The following GALNT13 variants were observed in gnomAD, a reference collection of about 807,000 sequenced individuals.
GALNT13 encodes the protein UDP-GalNAc:polypeptide N-acetylgalactosaminyltransferase 13.
Under a neutral mutation model 64.2 loss-of-function variants are expected in GALNT13, and 28 were observed. The ratio of observed to expected loss-of-function variants is 0.44; its 90% CI spans 0.32 to 0.60. The LOEUF (loss-of-function observed/expected upper bound fraction) is 0.60, where lower values mean the gene tolerates loss of function less well. Among genes scored for constraint, GALNT13 ranks in the 20% least tolerant of loss-of-function variants. GALNT13 has a pLI of 0.05. For missense variants in GALNT13, 577 were observed against 669.8 expected (o/e 0.86, Z 1.53); for synonymous variants, 214 against 224.6 (o/e 0.95, Z 0.42).
chr2:153,141,432 G>A, the GALNT13 span, among the ~76,000 whole-genome samples: 9 of 151,994 alleles, frequency 5.9e-5, no homozygotes, highest in East Asian at 1.9e-4. Context: ...CTTCCACCCC[G>A]TGAGTTGGGG....
chr2:153,926,214 A>G (rs900257040), intron 2 of GALNT13: 6 of 152,064 alleles, frequency 3.9e-5, no homozygotes, highest in Non-Finnish European at 5.9e-5. Context: ...GTCCAAGTAT[A>G]TGTTTTCAAT....
the GALNT13 span, among the ~76,000 whole-genome samples, chr2:153,691,557 A>G: frequency 6.6e-6 from 1 of 152,140 alleles, no homozygotes; most frequent in African/African-American, 2.4e-5. Context: ...TGTCAACCTG[A>G]AAAAGATAAC....
the GALNT13 span, among the ~76,000 whole-genome samples, chr2:153,839,214 GT>G: frequency 6.6e-6 from 1 of 151,786 alleles, no homozygotes; most frequent in East Asian, 1.9e-4. Flanking sequence ...TGAGCAGAGA[GT>G]TTTACTCCTC....
the GALNT13 span, among the ~76,000 whole-genome samples, chr2:153,144,615 C>T: frequency 1.4e-4 from 21 of 152,020 alleles, 1 homozygote; most frequent in East Asian, 4.1e-3. Flanking sequence ...CAGGAAGTGA[C>T]TGGCATAATC....
chr2:154,136,741 AT>A (rs557911044), intron 3 of GALNT13, among the ~76,000 whole-genome samples: 276 of 152,182 alleles, frequency 1.8e-3, no homozygotes, highest in Non-Finnish European at 3.1e-3. Context: ...CAAACTAATT[AT>A]TTTTTTAAAT....
At chr2:153,952,260 A>G (rs1692242659) in intron 3 of GALNT13, among the ~76,000 whole-genome samples, 1 of 152,180 alleles carries the variant, frequency 6.6e-6, no homozygotes, top group South Asian at 2.1e-4. Context: ...GTAGGTTTGC[A>G]TGGGCGTTAT....
At chr2:154,145,100 C>CTATATATA (rs1553484442) in intron 4 of GALNT13, among the ~76,000 whole-genome samples, 43 of 119,516 alleles carry the variant, frequency 3.6e-4, no homozygotes, top group East Asian at 5.4e-4. Flanking sequence ...ATCTATCTAT[C>CTATATATA]TATATATATA....
chr2:153,172,508 G>A, the GALNT13 span, among the ~76,000 whole-genome samples: 2 of 152,036 alleles, frequency 1.3e-5, no homozygotes, highest in African/African-American at 4.8e-5. Flanking sequence ...GAGAGCTGAG[G>A]TGGGTCCAGG....
chr2:153,316,322 AAAT>A, the GALNT13 span, among the ~76,000 whole-genome samples: 1 of 152,038 alleles, frequency 6.6e-6, no homozygotes, highest in South Asian at 2.1e-4. Context: ...TATCCAACAG[AAAT>A]AATAATTTTT....
At chr2:153,502,270 C>G in the GALNT13 span, among the ~76,000 whole-genome samples, 1 of 152,128 alleles carries the variant, frequency 6.6e-6, no homozygotes, top group African/African-American at 2.4e-5. Flanking sequence ...CTCCAAAGTC[C>G]ATTGTATCAT....
At chr2:153,513,611 T>A in the GALNT13 span, among the ~76,000 whole-genome samples, 12 of 152,312 alleles carry the variant, frequency 7.9e-5, no homozygotes, top group East Asian at 2.1e-3. Flanking sequence ...AACAAAACAC[T>A]TCAGTAATTC....
chr2:154,331,620 A>G (rs949307629), intron 9 of GALNT13, among the ~76,000 whole-genome samples: 9 of 152,016 alleles, frequency 5.9e-5, no homozygotes, highest in African/African-American at 2.4e-5. Context: ...ATGAAAATAA[A>G]TTTCTGGGGA....
chr2:153,366,025 A>T, the GALNT13 span, among the ~76,000 whole-genome samples: 8 of 152,178 alleles, frequency 5.3e-5, no homozygotes, highest in Non-Finnish European at 1.0e-4. Flanking sequence ...GAAAAAGAAA[A>T]TGTTATACAT....
the GALNT13 span, among the ~76,000 whole-genome samples, chr2:153,302,642 A>G: frequency 1.3e-5 from 2 of 152,116 alleles, no homozygotes; most frequent in East Asian, 1.9e-4. Context: ...GACCAATGTC[A>G]TGGAAATTTT....
intron 9 of GALNT13, among the ~76,000 whole-genome samples, chr2:154,321,016 A>T (rs940017938): frequency 1.3e-5 from 2 of 152,150 alleles, no homozygotes; most frequent in African/African-American, 2.4e-5. Context: ...TAGGTGGGAA[A>T]GGCAATACAC....
At chr2:154,332,556 C>T (rs369780445) in intron 9 of GALNT13, among the ~76,000 whole-genome samples, 1 of 152,040 alleles carries the variant, frequency 6.6e-6, no homozygotes, top group African/African-American at 2.4e-5. Flanking sequence ...TGTCTACACA[C>T]TGAATGCTGA....
intron 2 of GALNT13, among the ~76,000 whole-genome samples, chr2:153,904,184 A>G (rs919463978): frequency 6.6e-6 from 1 of 151,870 alleles, no homozygotes; most frequent in Non-Finnish European, 1.5e-5. Context: ...ATAGTATTCC[A>G]TTGTATAGAA....
At chr2:154,015,462 G>C (rs1007765908) in intron 3 of GALNT13, among the ~76,000 whole-genome samples, 1 of 152,048 alleles carries the variant, frequency 6.6e-6, no homozygotes, top group African/African-American at 2.4e-5. Context: ...GATGTGTCTG[G>C]TACACTGATA....
chr2:153,932,100 A>G (rs1690570817), intron 2 of GALNT13, among the ~76,000 whole-genome samples: 2 of 152,034 alleles, frequency 1.3e-5, no homozygotes, highest in African/African-American at 2.4e-5. Flanking sequence ...TGTTTATAAT[A>G]GTCTGAGGTT....
Sources: gnomAD v4.1 joint callset for allele counts (sites outside exome capture counted in the v4.1 genomes callset) on GRCh38, gnomAD v4.1.1 for gene constraint, MANE v1.5 for transcripts, NCBI Gene and HGNC (gene_info 2026-07-23, HGNC 2026-07-21) for gene names.